Variants in NWD1 observed in about 807,000 individuals in gnomAD.
NWD1 encodes the protein NACHT domain- and WD repeat-containing protein 1.
NWD1 carries 129 observed loss-of-function variants against 135.1 expected under a neutral mutation model. The ratio of observed to expected loss-of-function variants is 0.96; its 90% confidence interval spans 0.83 to 1.11. The LOEUF is 1.11. Among genes scored for constraint, NWD1 ranks in the 50% least tolerant of loss-of-function variants. NWD1 has a pLI of 0.00. For missense variants in NWD1, 1,740 were observed against 1,851.3 expected (o/e 0.94, Z 1.10); for synonymous variants, 773 against 786.0 (o/e 0.98, Z 0.28).
At chr19:16,777,432 G>A in intron 11 of NWD1, among the ~76,000 whole-genome samples, 1 of 6,838 alleles carries the variant, frequency 1.5e-4, no homozygotes, top group Non-Finnish European at 3.0e-4. Context: ...AAAGGGGAAG[G>A]AAGGGAAGGA....
At position 16,744,638 on chromosome 19, in the gene NWD1, C is replaced by T. The variant is rs539289114; in HGVS notation, c.416C>T (p.Ser139Phe). Residue 139 changes from serine (S) to phenylalanine (F), a missense_variant, in exon 5 of 19, where the codon TCT becomes TTT. By Grantham distance (155) the Ser-to-Phe change is radical. Transcript: ENST00000524140. ...ACEPEEATLT[S>F]VLRSGAQEAR... The stretch of plus-strand genomic sequence containing the variant: ...GAACCAGAGGAGGCCACCTTAACTT[C>T]TGTCCTACGCTCTGGAGCCCAGGAG... The T allele has an allele frequency of 1.1e-5, 17 of 1,535,520 alleles. No individual in the cohort carries two copies. In the Admixed American group the frequency reaches 2.6e-4, roughly 23 times the overall value.
chr19:16,795,971 T>C (rs970836242), intron 15 of NWD1, among the ~76,000 whole-genome samples: 3 of 152,004 alleles, frequency 2.0e-5, no homozygotes, highest in African/African-American at 7.2e-5. Context: ...ATGCTGACAA[T>C]TGAAAAGTGA....
chr19:16,723,249 G>C, intron 1 of NWD1, among the ~76,000 whole-genome samples: 1 of 151,858 alleles, frequency 6.6e-6, no homozygotes, highest in East Asian at 1.9e-4. Context: ...TCCAGGCTGG[G>C]GTACAGTGTT....
At chr19:16,771,865 T>A (rs1469527440) in intron 10 of NWD1, among the ~76,000 whole-genome samples, 1 of 140,922 alleles carries the variant, frequency 7.1e-6, no homozygotes, top group Non-Finnish European at 1.5e-5. Context: ...GGAGCCTCGC[T>A]CTGTCACCCA....
At chr19:16,806,146 TAC>T (rs1970739284) in intron 17 of NWD1, among the ~76,000 whole-genome samples, 1 of 152,158 alleles carries the variant, frequency 6.6e-6, no homozygotes, top group Non-Finnish European at 1.5e-5. Flanking sequence ...GTGCTTGGAT[TAC>T]AGACGTGAGT....
At chr19:16,723,001 A>G (rs1446119856) in intron 1 of NWD1, among the ~76,000 whole-genome samples, 1 of 152,004 alleles carries the variant, frequency 6.6e-6, no homozygotes. Context: ...GACGACTGAA[A>G]TCTCACACCT....
chr19:16,783,091 G>A (rs572776739), intron 12 of NWD1, among the ~76,000 whole-genome samples: 1 of 148,720 alleles, frequency 6.7e-6, no homozygotes, highest in South Asian at 2.1e-4. Flanking sequence ...GAGCACAATG[G>A]TGCAATCATA....
chr19:16,791,962 C>T (rs1970262440), intron 14 of NWD1, among the ~76,000 whole-genome samples: 1 of 152,090 alleles, frequency 6.6e-6, no homozygotes, highest in African/African-American at 2.4e-5. Flanking sequence ...GATCTGCCCA[C>T]CTCGGCCTCC....
chr19:16,806,369 T>G (rs1053246638), intron 17 of NWD1, among the ~76,000 whole-genome samples: 2 of 152,118 alleles, frequency 1.3e-5, no homozygotes, highest in Non-Finnish European at 2.9e-5. Context: ...CCACCGCCCC[T>G]GAAATGGCCC....
intron 3 of NWD1, among the ~76,000 whole-genome samples, chr19:16,736,407 G>T (rs1967821943): frequency 6.6e-6 from 1 of 151,870 alleles, no homozygotes; most frequent in Non-Finnish European, 1.5e-5. Flanking sequence ...GACTGGCAGG[G>T]CATCTTGAAG....
intron 16 of NWD1, 42 bp downstream of exon 16, chr19:16,797,928 G>A (rs775700946): frequency 5.0e-5 from 78 of 1,561,678 alleles, no homozygotes; most frequent in Non-Finnish European, 6.0e-5. Context: ...CCTCCACCTC[G>A]GGAACAGACA....
intron 4 of NWD1, among the ~76,000 whole-genome samples, chr19:16,738,768 GATATATA>G (rs79123183): frequency 0.029 from 3,786 of 129,486 alleles, 57 homozygotes; most frequent in Middle Eastern, 0.052. Flanking sequence ...ATAATATAAT[GATATATA>G]ATATATAATA....
chr19:16,741,819 C>G (rs1293451372), intron 4 of NWD1, among the ~76,000 whole-genome samples: 1 of 152,108 alleles, frequency 6.6e-6, no homozygotes, highest in Non-Finnish European at 1.5e-5. Context: ...TTGGCTAAGA[C>G]TCCAAGGTTG....
At chr19:16,737,798 C>T (rs1195447168) in intron 4 of NWD1, among the ~76,000 whole-genome samples, 3 of 151,554 alleles carry the variant, frequency 2.0e-5, no homozygotes, top group African/African-American at 7.3e-5. Context: ...ATAGTGAAGT[C>T]CCATATCTAC....
chr19:16,778,792 G>A (rs926535020), intron 11 of NWD1, among the ~76,000 whole-genome samples: 60 of 152,110 alleles, frequency 3.9e-4, no homozygotes, highest in African/African-American at 1.3e-3. Context: ...CCAAAGTATT[G>A]GCCTCCCACA....
At chr19:16,748,393 C>A (rs1440496906) in intron 5 of NWD1, among the ~76,000 whole-genome samples, 2 of 152,122 alleles carry the variant, frequency 1.3e-5, no homozygotes, top group East Asian at 1.9e-4. Context: ...GTATTTTCAG[C>A]AGATACCTGG....
At chr19:16,772,244 A>G (rs1381164951) in intron 10 of NWD1, among the ~76,000 whole-genome samples, 1 of 152,218 alleles carries the variant, frequency 6.6e-6, no homozygotes, top group African/African-American at 2.4e-5. Context: ...GTGCATCTGC[A>G]GTCCCAGCTA....
intron 6 of NWD1, among the ~76,000 whole-genome samples, chr19:16,750,818 TG>T (rs201110661): frequency 0.014 from 2,056 of 152,272 alleles, 22 homozygotes; most frequent in Non-Finnish European, 0.021. Context: ...ATACAGTTTT[TG>T]TTTGTCAACT....
rs113853828 is a variant in NWD1 at position 16,793,008 on chromosome 19, G to A, written c.3213+1386G>A. The stretch of plus-strand genomic sequence containing the variant: ...TGCAGTGAGCCAAGATTGCACCACT[G>A]CACTCCAGCCTGAGTGACAGAGCCA... On this transcript the variant is annotated intron_variant, in intron 14 of 18. Coordinates refer to ENST00000524140, the MANE Select transcript of NWD1 (RefSeq NM_001007525.5). Among the ~76,000 whole-genome samples, 575 of 151,354 alleles carry A rather than the reference G, an allele frequency of 3.8e-3. 5 individuals are homozygous for A. The highest frequency in any genetic ancestry group is 0.013 in the African/African-American group (538 of 41,230).
Sources: gnomAD v4.1 joint callset for allele counts (sites outside exome capture counted in the v4.1 genomes callset) on GRCh38, gnomAD v4.1.1 for gene constraint, MANE v1.5 for transcripts, NCBI Gene and HGNC (gene_info 2026-07-23, HGNC 2026-07-21) for gene names.